Variants in HCRTR2 observed in about 807,000 individuals in gnomAD.
HCRTR2 encodes the protein hypocretin receptor 2.
In HCRTR2, 22 loss-of-function variants were observed where a neutral mutation model predicts 49.0. That is an observed-to-expected ratio of 0.45 (90% CI 0.32 to 0.64). HCRTR2 has a LOEUF of 0.64. Among genes scored for constraint, HCRTR2 ranks in the 30% least tolerant of loss-of-function variants. The pLI, the probability that HCRTR2 is intolerant of heterozygous loss-of-function variation, is 0.04. For synonymous variants in HCRTR2, 236 were observed against 205.3 expected (o/e 1.15, Z -1.28); for missense variants, 491 against 559.4 (o/e 0.88, Z 1.23).
intron 1 of HCRTR2, among the ~76,000 whole-genome samples, chr6:55,135,381 G>C (rs1271974651): frequency 6.6e-6 from 1 of 152,062 alleles, no homozygotes; most frequent in Non-Finnish European, 1.5e-5. Context: ...AAGGCCGGAA[G>C]ATTCAGGACT....
intron 1 of HCRTR2, among the ~76,000 whole-genome samples, chr6:55,178,041 T>C (rs1172657653): frequency 6.6e-6 from 1 of 152,160 alleles, no homozygotes; most frequent in African/African-American, 2.4e-5. Flanking sequence ...TACAGCTAAG[T>C]AGATGTATCA....
intron 1 of HCRTR2, among the ~76,000 whole-genome samples, chr6:55,134,043 C>T (rs992278101): frequency 6.6e-6 from 1 of 151,750 alleles, no homozygotes; most frequent in Non-Finnish European, 1.5e-5. Context: ...ATATACATTT[C>T]TTATTTCTTT....
Position 55,117,783 on chromosome 6 carries a change from CAAAAAAAAAAAA to C in HCRTR2, c.-378+11248_-378+11259del, listed in dbSNP as rs34425786. Among the ~76,000 whole-genome samples, 3 of 78,312 alleles carry C rather than the reference CAAAAAAAAAAAA, an allele frequency of 3.8e-5. No individual in the cohort carries two copies. The South Asian group carries it at 1.6e-3, about 42-fold the overall frequency. 51.4% of individuals were successfully genotyped at this position (78,312 alleles called of 152,430 possible). On this transcript the variant is annotated intron_variant, in intron 1 of 7. Transcript: ENST00000615358. Reference sequence around the variant, plus strand: ...TGCACCTGCCCTTGGGATAAAGTCTCAAAAAAAAAAAAAAAAAAAAAGGGAACTGGAAAACTT... The same window carrying C: ...TGCACCTGCCCTTGGGATAAAGTCTCAAAAAAAAAGGGAACTGGAAAACTT...
intron 1 of HCRTR2, among the ~76,000 whole-genome samples, chr6:55,214,134 G>T (rs1765744795): frequency 6.6e-6 from 1 of 152,008 alleles, no homozygotes; most frequent in Non-Finnish European, 1.5e-5. Context: ...GACACCAAAG[G>T]GAGGAAGAGA....
At chr6:55,148,183 A>C (rs1764619612) in intron 1 of HCRTR2, among the ~76,000 whole-genome samples, 2 of 152,088 alleles carry the variant, frequency 1.3e-5, no homozygotes, top group Non-Finnish European at 2.9e-5. Flanking sequence ...GCAAAGGGCA[A>C]AATTAATTTC....
intron 1 of HCRTR2, among the ~76,000 whole-genome samples, chr6:55,163,932 A>G (rs1209924181): frequency 6.6e-6 from 1 of 152,158 alleles, no homozygotes; most frequent in Non-Finnish European, 1.5e-5. Flanking sequence ...AATTTACAAG[A>G]AAAAAACAAC....
chr6:55,109,472 A>G (rs998040040), intron 1 of HCRTR2, among the ~76,000 whole-genome samples: 4 of 152,150 alleles, frequency 2.6e-5, no homozygotes, highest in African/African-American at 9.7e-5. Flanking sequence ...AATTAAAAAA[A>G]AAAGTTATAG....
At chr6:55,145,605 C>CG (rs1764570501) in intron 1 of HCRTR2, among the ~76,000 whole-genome samples, 1 of 151,792 alleles carries the variant, frequency 6.6e-6, no homozygotes, top group Admixed American at 6.6e-5. Flanking sequence ...TTAGTAGAGA[C>CG]GGGGTTTCAC....
chr6:55,236,156 A>G (rs1766209056), intron 1 of HCRTR2, among the ~76,000 whole-genome samples: 1 of 151,954 alleles, frequency 6.6e-6, no homozygotes, highest in African/African-American at 2.4e-5. Context: ...CCCCCTATCC[A>G]TTTAGGTTAT....
intron 1 of HCRTR2, among the ~76,000 whole-genome samples, chr6:55,185,664 C>T (rs923199521): frequency 7.1e-6 from 1 of 140,680 alleles, no homozygotes; most frequent in African/African-American, 2.4e-5. Flanking sequence ...CTTGAGTTTC[C>T]CAAATTCAGG....
At chr6:55,166,407 T>TA (rs79262439) in intron 1 of HCRTR2, among the ~76,000 whole-genome samples, 1 of 132,550 alleles carries the variant, frequency 7.5e-6, no homozygotes, top group African/African-American at 2.8e-5. Context: ...AATTGTTAGT[T>TA]TTTTTTTTTT....
intron 1 of HCRTR2, among the ~76,000 whole-genome samples, chr6:55,110,708 C>A (rs1764036944): frequency 6.6e-6 from 1 of 151,992 alleles, no homozygotes; most frequent in Non-Finnish European, 1.5e-5. Context: ...GCACCTAACA[C>A]TGGAGCTTCC....
chr6:55,181,155 ATATAT>A (rs55806239), intron 1 of HCRTR2, among the ~76,000 whole-genome samples: 51,469 of 151,504 alleles, frequency 0.34, 8,985 homozygotes, highest in Middle Eastern at 0.41. Flanking sequence ...GATCAGAATA[ATATAT>A]TATATGTATG....
chr6:55,160,817 G>A (rs529307628), intron 1 of HCRTR2, among the ~76,000 whole-genome samples: 25 of 152,196 alleles, frequency 1.6e-4, no homozygotes, highest in Non-Finnish European at 3.2e-4. Flanking sequence ...CAATTCAGGA[G>A]CACACAAATT....
At chr6:55,121,685 T>C (rs189959755) in intron 1 of HCRTR2, among the ~76,000 whole-genome samples, 3 of 152,302 alleles carry the variant, frequency 2.0e-5, no homozygotes, top group African/African-American at 7.2e-5. Context: ...TGTTGAATTT[T>C]GTCAAAGGCC....
At chr6:55,188,339 C>T (rs945217485) in intron 1 of HCRTR2, among the ~76,000 whole-genome samples, 11 of 152,164 alleles carry the variant, frequency 7.2e-5, no homozygotes, top group Non-Finnish European at 1.5e-4. Flanking sequence ...AGAGCAAAGT[C>T]AAGCCAGACA....
intron 1 of HCRTR2, among the ~76,000 whole-genome samples, chr6:55,210,516 T>C (rs1765677363): frequency 6.6e-6 from 1 of 152,130 alleles, no homozygotes; most frequent in Non-Finnish European, 1.5e-5. Flanking sequence ...ATCTCTGCCA[T>C]CACTTATAGT....
upstream of HCRTR2, among the ~76,000 whole-genome samples, chr6:55,173,272 CT>C (rs1307545822): frequency 6.6e-5 from 10 of 152,218 alleles, no homozygotes; most frequent in African/African-American, 2.4e-4. Flanking sequence ...TTTTCTCACC[CT>C]TAGAGCACTC....
intron 1 of HCRTR2, among the ~76,000 whole-genome samples, chr6:55,130,025 A>G (rs1764332476): frequency 6.6e-6 from 1 of 151,912 alleles, no homozygotes. Context: ...TTTAACCCCT[A>G]CTAATGTTTC....
Sources: gnomAD v4.1 joint callset for allele counts (sites outside exome capture counted in the v4.1 genomes callset) on GRCh38, gnomAD v4.1.1 for gene constraint, MANE v1.5 for transcripts, NCBI Gene and HGNC (gene_info 2026-07-23, HGNC 2026-07-21) for gene names.